ANKS3: variants seen among roughly 807,000 people sequenced by gnomAD.
ANKS3 encodes the protein ankyrin repeat and SAM domain-containing protein 3.
In ANKS3, 62 loss-of-function variants were observed where a neutral mutation model predicts 80.7. The ratio of observed to expected loss-of-function variants is 0.77; its 90% CI spans 0.63 to 0.95. The LOEUF is 0.95. Among genes scored for constraint, ANKS3 ranks in the 40% least tolerant of loss-of-function variants. ANKS3 has a pLI of 0.00. For missense variants in ANKS3, 1,150 were observed against 883.6 expected, an observed-to-expected ratio of 1.30 and a Z score of -3.82; for synonymous variants, 489 against 355.3, an observed-to-expected ratio of 1.38 and a Z score of -4.23.
rs763052123 is a variant in ANKS3, at chr16:4,727,057, C to T, written c.291G>A (p.Val97=). The T allele has an allele frequency of 3.1e-6, 5 of 1,614,146 alleles. No homozygotes were observed. The Admixed American group carries it at 8.3e-5, about 27-fold the overall frequency. The part of the protein sequence containing the change: ...LLLEAGVSVN[V]PTPEGQTPLM... ...GTGGAGTCTGCCCTTCTGGGGTCGG[C>T]ACATTCACACTCACCCCCGCCTCAA... Residue 97 remains valine, a synonymous_variant, in exon 4 of 18, where the codon GTG becomes GTA. Coordinates refer to ENST00000304283, the MANE Select transcript of ANKS3 (RefSeq NM_133450.4).
Position 4,698,542 on chromosome 16 carries a change from C to T in ANKS3, c.1609G>A (p.Ala537Thr), listed in dbSNP as rs199731997. Reference protein sequence around the residue: ...GQVCQEQELRAVVESCLLEQD... With the variant: ...GQVCQEQELRTVVESCLLEQD... ...TCCAGCAGGCAGCTCTCCACCACGG[C>T]GCGCAGCTCCTGCTCCTGACACACC... The change falls in exon 14 of 18, where the codon GCC becomes ACC. Residue 537 changes from alanine (A) to threonine (T), a missense_variant. Physicochemically the swap from Ala to Thr is moderately conservative, Grantham distance 58. Coordinates refer to ENST00000304283, the MANE Select transcript of ANKS3 (RefSeq NM_133450.4). The T allele has an allele frequency of 2.0e-5, 31 of 1,578,332 alleles. No individual in the cohort carries two copies. In the East Asian group the frequency reaches 2.8e-4, roughly 14 times the overall value.
intron 3 of ANKS3, chr16:4,727,946 T>C (rs532132840): frequency 6.6e-6 from 1 of 152,448 alleles, no homozygotes; most frequent in South Asian, 2.1e-4. Flanking sequence ...TCCTACATGG[T>C]TAACGCCCAC....
At chr16:4,706,262 GCT>G (rs2080183021) in intron 7 of ANKS3, among the ~76,000 whole-genome samples, 1 of 151,322 alleles carries the variant, frequency 6.6e-6, no homozygotes, top group Non-Finnish European at 1.5e-5. Flanking sequence ...ACGGAGTCTT[GCT>G]CTGTCACCCA....
intron 8 of ANKS3, among the ~76,000 whole-genome samples, chr16:4,703,936 C>T (rs2080052704): frequency 6.6e-6 from 1 of 152,192 alleles, no homozygotes; most frequent in African/African-American, 2.4e-5. Context: ...CCAACTCAGC[C>T]CCAGGATGAC....
intron 7 of ANKS3, among the ~76,000 whole-genome samples, chr16:4,713,411 A>G (rs762630937): frequency 1.4e-4 from 22 of 152,218 alleles, no homozygotes; most frequent in Non-Finnish European, 2.6e-4. Flanking sequence ...TGAAATAAAA[A>G]ATAAATAGCA....
intron 14 of ANKS3, 78 bp from the exon 15 acceptor site, chr16:4,698,140 G>T: frequency 6.8e-7 from 1 of 1,464,434 alleles, no homozygotes; most frequent in Non-Finnish European, 9.3e-7. Flanking sequence ...CCTTCTAGGG[G>T]AGGGAGGGGC....
At chr16:4,710,040 C>T (rs2080402251) in intron 7 of ANKS3, among the ~76,000 whole-genome samples, 1 of 151,928 alleles carries the variant, frequency 6.6e-6, no homozygotes, top group Non-Finnish European at 1.5e-5. Context: ...AAAAAGACTA[C>T]ATGACTACAT....
Position 4,715,902 on chromosome 16 carries a change from A to G in ANKS3, c.574-1716T>C, listed in dbSNP as rs899910616. Among the ~76,000 whole-genome samples, 4 of 151,936 alleles carry G rather than the reference A, an allele frequency of 2.6e-5. No homozygotes were observed. In the South Asian group the frequency reaches 8.3e-4, roughly 32 times the overall value. ...ACATACACTACAATTTAGAATTTTC[A>G]CTGTGGCATTCAGCATAGTGAGAAT... On this transcript the variant is annotated intron_variant, in intron 6 of 17. Coordinates refer to ENST00000304283, the MANE Select transcript of ANKS3 (RefSeq NM_133450.4).
chr16:4,716,750 A>T (rs903209667), intron 6 of ANKS3, among the ~76,000 whole-genome samples: 2 of 151,488 alleles, frequency 1.3e-5, no homozygotes, highest in African/African-American at 4.9e-5. Context: ...CCCCGTCTCT[A>T]CTAAAAAATA....
chr16:4,729,879 G>T, intron 3 of ANKS3, 101 bp downstream of exon 3: 1 of 1,171,834 alleles, frequency 8.5e-7, no homozygotes, highest in Non-Finnish European at 1.1e-6. Flanking sequence ...TATTCTACAC[G>T]CATTAAACAT....
chr16:4,731,205 C>G (rs756603319), intron 2 of ANKS3, among the ~76,000 whole-genome samples: 22 of 152,298 alleles, frequency 1.4e-4, no homozygotes, highest in Non-Finnish European at 3.1e-4. Context: ...ACCTGTATGA[C>G]TGTGACGGTG....
chr16:4,730,064 C>A lies in ANKS3; in HGVS notation c.86G>T (p.Ser29Ile). The change falls in exon 3 of 18, where the codon AGC becomes ATC. Residue 29 changes from serine (S) to isoleucine (I), a missense_variant. Physicochemically the swap from Ser to Ile is moderately radical, Grantham distance 142. Transcript: ENST00000304283. The stretch of plus-strand genomic sequence containing the variant: ...CAGGGGGACATCCAGCTCCTCCCCG[C>A]TGACCTGTGTCCCGAGCCCGTGCCA... ...SMWHGLGTQV[S>I]GEELDVPLDL... 1 of 1,593,416 alleles carries A rather than the reference C, an allele frequency of 6.3e-7. No individual in the cohort carries two copies. Among genetic ancestry groups the A allele is most frequent in the Non-Finnish European group, 8.6e-7 (1 of 1,168,206 alleles).
At chr16:4,722,975 A>G (rs1262562150) in intron 6 of ANKS3, among the ~76,000 whole-genome samples, 1 of 152,092 alleles carries the variant, frequency 6.6e-6, no homozygotes, top group Non-Finnish European at 1.5e-5. Flanking sequence ...TAACAAGGAC[A>G]AACTAAAATG....
Position 4,698,557 on chromosome 16 carries a change from C to G in ANKS3, c.1594G>C (p.Glu532Gln). The part of the protein sequence containing the change: ...VEATRGQVCQ[E>Q]QELRAVVESC... The stretch of plus-strand genomic sequence containing the variant: ...TCCACCACGGCGCGCAGCTCCTGCT[C>G]CTGACACACCTGGCCCCGCGTGGCC... Residue 532 changes from glutamate (E) to glutamine (Q), a missense_variant, in exon 14 of 18, where the codon GAG becomes CAG. By Grantham distance (29) the Glu-to-Gln change is conservative. Transcript: ENST00000304283. 1 of 1,582,226 alleles carries G rather than the reference C, an allele frequency of 6.3e-7. No homozygotes were observed. Among genetic ancestry groups the G allele is most frequent in the Non-Finnish European group, 8.5e-7 (1 of 1,171,630 alleles).
At chr16:4,711,481 G>A (rs191919776) in intron 7 of ANKS3, among the ~76,000 whole-genome samples, 4 of 151,864 alleles carry the variant, frequency 2.6e-5, no homozygotes, top group Non-Finnish European at 4.4e-5. Context: ...TACTTTGGGA[G>A]GCCCAGGTGG....
At position 4,697,448 on chromosome 16, in the gene ANKS3, G is replaced by A. The variant is rs200094782; in HGVS notation, c.1811-32C>T. The A allele has an allele frequency of 1.3e-5, 20 of 1,528,608 alleles. No individual in the cohort carries two copies. In the Admixed American group the frequency reaches 3.7e-4, roughly 28 times the overall value. 94.7% of individuals were successfully genotyped at this position (1,528,608 alleles called of 1,614,324 possible). ...TGCAGGTGCAGGGACCGAGTTAGCT[G>A]GGGGTCTGCGTCCCCACAGGCCCTG... On this transcript the variant is annotated intron_variant, in intron 15 of 17. Coordinates refer to ENST00000304283, the MANE Select transcript of ANKS3 (RefSeq NM_133450.4).
In ANKS3 at chr16:4,723,885, T is replaced by A. The variant is rs2081227511; in HGVS notation, c.573+865A>T. ...TGCACAACATACTGAGACCCCCAAC[T>A]CTACCAAAAAAAAAAAATTAAATAA... On this transcript the variant is annotated intron_variant, in intron 6 of 17. Transcript: ENST00000304283. Among the ~76,000 whole-genome samples, 3 of 150,770 alleles carry A rather than the reference T, an allele frequency of 2.0e-5. No individual in the cohort carries two copies. In the South Asian group the frequency reaches 6.3e-4, roughly 32 times the overall value.
intron 6 of ANKS3, among the ~76,000 whole-genome samples, chr16:4,719,154 G>C (rs370278007): frequency 6.6e-6 from 1 of 152,048 alleles, no homozygotes; most frequent in Admixed American, 6.6e-5. Context: ...AAGCAACTTA[G>C]TGAGACCCCA....
At position 4,701,048 on chromosome 16, in the gene ANKS3, G is replaced by C. The variant is rs777339698; in HGVS notation, c.1206C>G (p.Pro402=). Reference sequence around the variant, plus strand: ...AGCCTTCCCTGTCAGTTGCAGCGCGGGGAGGCCACTGGCTGTCAGGATTCT... The same window carrying C: ...AGCCTTCCCTGTCAGTTGCAGCGCGCGGAGGCCACTGGCTGTCAGGATTCT... ...KTKNPDSQWP[P]RAATDREGFL... The change falls in exon 11 of 18, where the codon CCC becomes CCG. Residue 402 remains proline, a synonymous_variant. Transcript: ENST00000304283. 1 of 1,614,122 alleles carries C rather than the reference G, an allele frequency of 6.2e-7. No individual in the cohort carries two copies. Among genetic ancestry groups the C allele is most frequent in the Admixed American group, 1.7e-5 (1 of 60,024 alleles).
Sources: gnomAD v4.1 joint callset for allele counts (sites outside exome capture counted in the v4.1 genomes callset) on GRCh38, gnomAD v4.1.1 for gene constraint, MANE v1.5 for transcripts, NCBI Gene and HGNC (gene_info 2026-07-23, HGNC 2026-07-21) for gene names.